The following BANP variants were observed in gnomAD, a reference collection of about 807,000 sequenced individuals.
The protein encoded by BANP is BTG3 associated nuclear protein, also known as protein BANP.
In BANP, 11 loss-of-function variants were observed where a neutral mutation model predicts 68.1. That is an observed-to-expected ratio of 0.16 (90% CI 0.10 to 0.27). The LOEUF is 0.27. BANP is among the 10% of genes least tolerant of loss of function. The probability of loss-of-function intolerance (pLI) is 1.00; values close to 1 mark genes in which losing one functional copy is unlikely to be tolerated. For synonymous variants in BANP, 329 were observed against 303.2 expected (o/e 1.09, Z -0.88); for missense variants, 504 against 722.7 (o/e 0.70, Z 3.47).
chr16:88,060,515 T>C (rs111266795), intron 11 of BANP, among the ~76,000 whole-genome samples: 3 of 152,238 alleles, frequency 2.0e-5, no homozygotes, highest in African/African-American at 4.8e-5. Flanking sequence ...GTTCGTTCTT[T>C]TGCCCTCTCA....
At position 88,004,187 on chromosome 16, in the gene BANP, A is replaced by G. The variant is rs1054409323; in HGVS notation, c.363-108A>G. Reference sequence around the variant, plus strand: ...TGAATGACTCTTAGGCCTCCCCCTCAGTGCGGGTCCCTGGGAGTGGACTGT... The same window carrying G: ...TGAATGACTCTTAGGCCTCCCCCTCGGTGCGGGTCCCTGGGAGTGGACTGT... On this transcript the variant is annotated intron_variant, in intron 4 of 13. Coordinates refer to ENST00000682872, the MANE Select transcript of BANP (RefSeq NM_001386991.1). This position sits in a 1 kb window ranked among gnomAD's most constrained non-coding sequence, Gnocchi z 7.0. The G allele has an allele frequency of 2.7e-6, 2 of 736,280 alleles. No homozygotes were observed. Among genetic ancestry groups the G allele is most frequent in the African/African-American group, 3.5e-5 (2 of 57,678 alleles). 45.6% of individuals were successfully genotyped at this position (736,280 alleles called of 1,614,324 possible).
In BANP at chr16:88,071,511, C is replaced by T. The variant is rs1057316496; in HGVS notation, c.1378-558C>T. On this transcript the variant is annotated intron_variant, in intron 12 of 13. Coordinates refer to ENST00000682872, the MANE Select transcript of BANP (RefSeq NM_001386991.1). This position sits in a 1 kb window ranked among gnomAD's most constrained non-coding sequence, Gnocchi z 6.5. Reference sequence around the variant, plus strand: ...GCTCTCTGCCACCAGGACTCACTTCCGCCCATCTTGGAACTGGGCCTCACT... The same window carrying T: ...GCTCTCTGCCACCAGGACTCACTTCTGCCCATCTTGGAACTGGGCCTCACT... 4.2e-5 allele frequency: 19 copies of T among 456,336 alleles called. No individual in the cohort carries two copies. The highest frequency in any genetic ancestry group is 3.2e-4 in the Middle Eastern group (1 of 3,092). 28.3% of individuals were successfully genotyped at this position (456,336 alleles called of 1,614,324 possible). A position where few individuals can be genotyped will look rare whatever the true frequency, so the allele number is the denominator to read the frequency against.
intron 1 of BANP, among the ~76,000 whole-genome samples, chr16:87,972,812 C>T (rs373754856): frequency 3.3e-5 from 5 of 152,272 alleles, no homozygotes; most frequent in African/African-American, 1.2e-4. Context: ...CAAGCCGTTT[C>T]TTTTCAATGT....
rs2090343044 is a variant in BANP, at chr16:88,071,572, C to G, written c.1378-497C>G. ...CTTCTGCTGGGTTCTCAGTGCCCAC[C>G]AGCAGCTCCTTTGCTCTCCCTGAGC... On this transcript the variant is annotated intron_variant, in intron 12 of 13. Transcript: ENST00000682872. This position sits in a 1 kb window ranked among gnomAD's most constrained non-coding sequence, Gnocchi z 6.5. 2.2e-6 allele frequency: 1 copy of G among 457,290 alleles called. No homozygotes were observed. Among genetic ancestry groups the G allele is most frequent in the African/African-American group, 2.0e-5 (1 of 50,126 alleles). 28.3% of individuals were successfully genotyped at this position (457,290 alleles called of 1,614,324 possible). A position where few individuals can be genotyped will look rare whatever the true frequency, so the allele number is the denominator to read the frequency against.
At chr16:88,048,962 G>C (rs28427460) in intron 11 of BANP, among the ~76,000 whole-genome samples, 65,880 of 151,944 alleles carry the variant, frequency 0.43, 15,070 homozygotes, top group East Asian at 0.7. Context: ...ACTGGACTCT[G>C]GTGTTGGCAA....
intron 11 of BANP, among the ~76,000 whole-genome samples, chr16:88,053,518 AGC>A (rs2152835475): frequency 2.0e-5 from 3 of 147,724 alleles, no homozygotes; most frequent in African/African-American, 7.8e-5. Context: ...CATCATCACC[AGC>A]ACAACCACAA....
chr16:88,040,827 C>T (rs528559178), intron 11 of BANP, among the ~76,000 whole-genome samples: 5 of 152,352 alleles, frequency 3.3e-5, no homozygotes, highest in South Asian at 2.1e-4. Flanking sequence ...GCACCCCAAC[C>T]GGAGTAAGAG....
intron 12 of BANP, among the ~76,000 whole-genome samples, chr16:88,068,094 A>G (rs529317629): frequency 6.6e-6 from 1 of 152,208 alleles, no homozygotes; most frequent in African/African-American, 2.4e-5. Flanking sequence ...TTTCACACGT[A>G]GTTCAGAGCT....
At chr16:88,055,273 C>T (rs1406918833) in intron 11 of BANP, among the ~76,000 whole-genome samples, 2 of 151,968 alleles carry the variant, frequency 1.3e-5, no homozygotes, top group African/African-American at 4.8e-5. Context: ...AATCCATACA[C>T]CCACCCACCC....
chr16:87,977,583 T>C (rs2062421420), intron 2 of BANP, among the ~76,000 whole-genome samples: 1 of 152,222 alleles, frequency 6.6e-6, no homozygotes, highest in African/African-American at 2.4e-5. Flanking sequence ...GTCTTGAACG[T>C]AGGCATCTAA....
chr16:88,058,103 C>T (rs889198046), intron 11 of BANP, among the ~76,000 whole-genome samples: 2 of 150,860 alleles, frequency 1.3e-5, no homozygotes, highest in South Asian at 2.1e-4. Context: ...TGTGTATTTA[C>T]GAGGAATCTT....
Position 88,064,992 on chromosome 16 carries a change from G to A in BANP, c.1312-275G>A, listed in dbSNP as rs940505814. On this transcript the variant is annotated intron_variant, in intron 11 of 13. Coordinates refer to ENST00000682872, the MANE Select transcript of BANP (RefSeq NM_001386991.1). This position sits in a 1 kb window ranked among gnomAD's most constrained non-coding sequence, Gnocchi z 4.5. ...CAAACTCTTTCTAATGGAAAAAAGCGGTTGCTCTCCCTGCAGCTGCCAGCC... is the reference window on the plus strand; with the variant it reads ...CAAACTCTTTCTAATGGAAAAAAGCAGTTGCTCTCCCTGCAGCTGCCAGCC... 6.6e-6 allele frequency among the ~76,000 whole-genome samples: 1 copy of A among 152,226 alleles called. No individual in the cohort carries two copies. The highest frequency in any genetic ancestry group is 2.4e-5 in the African/African-American group (1 of 41,462).
chr16:88,059,795 C>G (rs1041410248), intron 11 of BANP, among the ~76,000 whole-genome samples: 1 of 152,254 alleles, frequency 6.6e-6, no homozygotes, highest in Admixed American at 6.5e-5. Flanking sequence ...CATGCCCCCT[C>G]CTCTGCTCCC....
chr16:88,025,226 A>G (rs1236945369), intron 7 of BANP, among the ~76,000 whole-genome samples: 1 of 152,178 alleles, frequency 6.6e-6, no homozygotes, highest in Non-Finnish European at 1.5e-5. Context: ...GCAGTTTGAA[A>G]GCTGGGTTTT....
At chr16:87,993,389 A>C (rs1299479120) in intron 4 of BANP, among the ~76,000 whole-genome samples, 2 of 151,666 alleles carry the variant, frequency 1.3e-5, no homozygotes, top group African/African-American at 4.9e-5. Flanking sequence ...CTTCTTTCCC[A>C]TTTATTCACC....
intron 1 of BANP, among the ~76,000 whole-genome samples, chr16:87,959,716 C>T (rs567811183): frequency 9.2e-5 from 14 of 151,896 alleles, no homozygotes; most frequent in Non-Finnish European, 1.8e-4. Context: ...TGCCACCCTT[C>T]GGAGCGATGG....
intron 12 of BANP, among the ~76,000 whole-genome samples, chr16:88,069,139 C>T (rs1161800689): frequency 3.3e-5 from 5 of 152,274 alleles, no homozygotes; most frequent in African/African-American, 4.8e-5. Flanking sequence ...TTCTGAATGG[C>T]GCGCTGTCGC....
chr16:87,978,471 T>TAA (rs58805656), intron 2 of BANP: 129,971 of 378,482 alleles, frequency 0.34, 26,429 homozygotes, highest in Non-Finnish European at 0.47. Context: ...CCAGTGAGAG[T>TAA]AGAGCCTTTG....
chr16:88,070,461 C>T (rs2090018813), intron 12 of BANP, among the ~76,000 whole-genome samples: 1 of 152,168 alleles, frequency 6.6e-6, no homozygotes, highest in African/African-American at 2.4e-5. Flanking sequence ...ACAACAAAAT[C>T]CCGAGGCAGA....
Sources: gnomAD v4.1 joint callset for allele counts (sites outside exome capture counted in the v4.1 genomes callset) on GRCh38, gnomAD v4.1.1 for gene constraint, Gnocchi (gnomAD v3.1) non-coding constraint, MANE v1.5 for transcripts, NCBI Gene and HGNC (gene_info 2026-07-23, HGNC 2026-07-21) for gene names.